NTMT2: variants seen among roughly 807,000 people sequenced by gnomAD.
NTMT2 encodes N-terminal Xaa-Pro-Lys N-methyltransferase 2, also known as X-Pro-Lys N-terminal protein methyltransferase 1B.
In NTMT2, 21 loss-of-function variants were observed where a neutral mutation model predicts 23.4. The observed-to-expected ratio is 0.90, with a 90% CI of 0.64 to 1.29. The LOEUF is 1.29. Ranked by LOEUF, NTMT2 falls within the 50% of genes most tolerant of loss-of-function variation. The pLI is 0.00. For synonymous variants in NTMT2, 131 were observed against 127.7 expected, an observed-to-expected ratio of 1.03 and a Z score of -0.17; for missense variants, 336 against 352.0, an observed-to-expected ratio of 0.95 and a Z score of 0.36.
At chr1:170,152,546 G>A (rs1009849064) in intron 1 of NTMT2, among the ~76,000 whole-genome samples, 1 of 152,084 alleles carries the variant, frequency 6.6e-6, no homozygotes, top group African/African-American at 2.4e-5. Flanking sequence ...TTCAGAATAG[G>A]CAGCGCCCTA....
chr1:170,149,292 A>G (rs1189262136), intron 1 of NTMT2, among the ~76,000 whole-genome samples: 1 of 152,216 alleles, frequency 6.6e-6, no homozygotes, highest in Non-Finnish European at 1.5e-5. Flanking sequence ...TTTTCCTCTA[A>G]TGGCAGAAGC....
intron 1 of NTMT2, among the ~76,000 whole-genome samples, chr1:170,157,501 C>A (rs1418229199): frequency 1.3e-5 from 2 of 152,032 alleles, no homozygotes; most frequent in African/African-American, 4.8e-5. Flanking sequence ...TCCAATGTCT[C>A]CAAGTTGGAA....
At chr1:170,148,324 T>TA (rs1283967736) in intron 1 of NTMT2, among the ~76,000 whole-genome samples, 26 of 151,672 alleles carry the variant, frequency 1.7e-4, no homozygotes, top group Admixed American at 1.7e-3. Context: ...ATTTTTTTTT[T>TA]TTATTTTTAG....
chr1:170,148,087 A>G (rs1673000389), intron 1 of NTMT2, among the ~76,000 whole-genome samples: 1 of 150,658 alleles, frequency 6.6e-6, no homozygotes. Context: ...GATTGGGGGC[A>G]GGACCCTTTC....
intron 2 of NTMT2, among the ~76,000 whole-genome samples, chr1:170,163,888 G>A (rs1557909252): frequency 6.6e-6 from 1 of 152,154 alleles, no homozygotes; most frequent in Non-Finnish European, 1.5e-5. Flanking sequence ...TTGGGACGCT[G>A]AGGCGGGTGG....
chr1:170,168,390 T>C lies in NTMT2; in HGVS notation c.*633T>C, dbSNP rs556951596. Among the ~76,000 whole-genome samples, 2 of 152,316 alleles carry C rather than the reference T, an allele frequency of 1.3e-5. No individual in the cohort carries two copies. Among genetic ancestry groups the C allele is most frequent in the South Asian group, 4.1e-4 (2 of 4,824 alleles). On this transcript the variant is annotated 3_prime_UTR_variant, in exon 4 of 4. Coordinates refer to ENST00000439373, the MANE Select transcript of NTMT2 (RefSeq NM_001136107.2). ...GCCTTCATGTCAGCTACATTATACT[T>C]CCTCTTTGGTACTACTACTTCTCTT...
intron 1 of NTMT2, among the ~76,000 whole-genome samples, chr1:170,152,101 C>G (rs940727469): frequency 1.3e-5 from 2 of 152,128 alleles, no homozygotes; most frequent in African/African-American, 4.8e-5. Context: ...ATTCAATGAA[C>G]ATTCAAAGAA....
At chr1:170,165,213 C>G (rs1673356104) in intron 2 of NTMT2, among the ~76,000 whole-genome samples, 1 of 152,090 alleles carries the variant, frequency 6.6e-6, no homozygotes, top group Non-Finnish European at 1.5e-5. Flanking sequence ...TAATTTAGAC[C>G]ATCTGAATCT....
intron 2 of NTMT2, among the ~76,000 whole-genome samples, chr1:170,161,319 G>A (rs1180743074): frequency 2.0e-5 from 3 of 151,666 alleles, no homozygotes; most frequent in African/African-American, 7.3e-5. Context: ...AAAGTTAGAA[G>A]GAAATACATG....
At position 170,167,550 on chromosome 1, in the gene NTMT2, T is replaced by C. The variant is rs1466360654; in HGVS notation, c.645T>C (p.Asn215=). ...GGTGCCGAGATGGCCTGAAAGAAAA[T>C]GGCATCATCATATTGAAGGACAATG... ...LSRCRDGLKE[N]GIIILKDNVA... is the part of the protein sequence containing the mutation. The change falls in exon 4 of 4, where the codon AAT becomes AAC. Residue 215 remains asparagine, a synonymous_variant. Transcript: ENST00000439373. 16 of 1,551,540 alleles carry C rather than the reference T, an allele frequency of 1.0e-5. No homozygotes were observed. Among genetic ancestry groups the C allele is most frequent in the Non-Finnish European group, 1.4e-5 (16 of 1,146,986 alleles).
chr1:170,165,926 A>C (rs1027928186), intron 2 of NTMT2, among the ~76,000 whole-genome samples: 1 of 151,288 alleles, frequency 6.6e-6, no homozygotes, highest in Admixed American at 6.6e-5. Context: ...TTTTTTGGAT[A>C]AATAAAGAAA....
intron 1 of NTMT2, among the ~76,000 whole-genome samples, chr1:170,146,988 G>A (rs942557375): frequency 6.6e-6 from 1 of 152,184 alleles, no homozygotes; most frequent in East Asian, 1.9e-4. Context: ...CCATTAAAGA[G>A]TAAAATACCC....
At chr1:170,161,963 G>A (rs35081369) in intron 2 of NTMT2, among the ~76,000 whole-genome samples, 50,208 of 151,862 alleles carry the variant, frequency 0.33, 9,186 homozygotes, top group African/African-American at 0.48. Context: ...GGTGTTGCGC[G>A]CCTGTAGTCC....
At chr1:170,165,107 C>T (rs1673354356) in intron 2 of NTMT2, among the ~76,000 whole-genome samples, 1 of 152,052 alleles carries the variant, frequency 6.6e-6, no homozygotes, top group African/African-American at 2.4e-5. Context: ...CAAGAGTAGG[C>T]TTTTCCCTTA....
At chr1:170,156,482 A>T (rs769641444) in intron 1 of NTMT2, among the ~76,000 whole-genome samples, 3 of 152,156 alleles carry the variant, frequency 2.0e-5, no homozygotes, top group Admixed American at 6.5e-5. Flanking sequence ...GGTCCTTGGG[A>T]ATTCAACTAA....
At chr1:170,166,363 G>T (rs1291515907) in intron 2 of NTMT2, 139 bp from the exon 3 acceptor site, 17 of 755,888 alleles carry the variant, frequency 2.2e-5, no homozygotes, top group African/African-American at 5.4e-5. Context: ...GGATGGTCTC[G>T]ATCTCTTGAC....
At position 170,160,689 on chromosome 1, in the gene NTMT2, T is replaced by C. The variant is rs1396973135; in HGVS notation, c.326T>C (p.Val109Ala). 2 of 1,528,870 alleles carry C rather than the reference T, an allele frequency of 1.3e-6. No individual in the cohort carries two copies. Among genetic ancestry groups the C allele is most frequent in the Admixed American group, 4.4e-5 (2 of 45,220 alleles). The allele number at this position is 1,528,870 out of a possible 1,614,324, so 94.7% of individuals were successfully genotyped here. A position where few individuals can be genotyped will look rare whatever the true frequency, so the allele number is the denominator to read the frequency against. The change falls in exon 2 of 4, where the codon GTT (valine) becomes GCT (alanine). Residue 109 changes from valine (V) to alanine (A), a missense_variant. Val to Ala is a moderately conservative substitution (Grantham distance 64). Coordinates refer to ENST00000439373, the MANE Select transcript of NTMT2 (RefSeq NM_001136107.2). ...QASQKFLRKF[V>A]GGPGRAGTDC... Reference sequence around the variant, plus strand: ...TCTCAGAAATTTCTTAGGAAATTTGTTGGGGTGAGTTATTCAACTGCAGCT... The same window carrying C: ...TCTCAGAAATTTCTTAGGAAATTTGCTGGGGTGAGTTATTCAACTGCAGCT...
At position 170,160,554 on chromosome 1, in the gene NTMT2, G is replaced by A; in HGVS notation, c.191G>A (p.Gly64Asp). ...GCTTTAACAAGCCAAGTCATCAATG[G>A]TGAGATGCAGTTCTATGCCAGAGCT... ...LYALTSQVINGEMQFYARAKL... is the reference protein window; with the variant it reads ...LYALTSQVINDEMQFYARAKL... The change falls in exon 2 of 4, where the codon GGT becomes GAT. Residue 64 changes from glycine to aspartate, a missense_variant. Coordinates refer to ENST00000439373, the MANE Select transcript of NTMT2 (RefSeq NM_001136107.2). 7 of 1,548,156 alleles carry A rather than the reference G, an allele frequency of 4.5e-6. No individual in the cohort carries two copies. Among genetic ancestry groups the A allele is most frequent in the Non-Finnish European group, 6.1e-6 (7 of 1,146,030 alleles).
In NTMT2 at chr1:170,146,243, C is replaced by T. The variant is rs879129447; in HGVS notation, c.136C>T (p.Leu46=). The T allele has an allele frequency of 6.5e-7, 1 of 1,550,002 alleles. No homozygotes were observed. The highest frequency in any genetic ancestry group is 8.7e-7 in the Non-Finnish European group (1 of 1,146,548). Residue 46 remains leucine, a synonymous_variant, in exon 1 of 4, where the codon CTG becomes TTG. Coordinates refer to ENST00000439373, the MANE Select transcript of NTMT2 (RefSeq NM_001136107.2). ...NDFFQSYLYL[L]EKIPLVKLYA... ...CTTCTTTCAGAGCTATCTCTACCTG[C>T]TGGAAAAAATTCCCCTGGGTAAGTG...
Sources: allele counts gnomAD v4.1 joint callset (sites outside exome capture counted in the v4.1 genomes callset), GRCh38; gene constraint gnomAD v4.1.1; transcripts MANE v1.5; gene names NCBI Gene and HGNC (gene_info 2026-07-23, HGNC 2026-07-21).